NOP14: variants seen among roughly 807,000 people sequenced by gnomAD.
The protein encoded by NOP14 is NOP14 nucleolar protein.
A neutral mutation model predicts 101.6 loss-of-function variants in NOP14; 57 were observed. The observed-to-expected ratio is 0.56, with a 90% CI of 0.45 to 0.70. The LOEUF (loss-of-function observed/expected upper bound fraction) is 0.70, where lower values mean the gene tolerates loss of function less well. Ranked by LOEUF, NOP14 falls within the 30% of genes least tolerant of loss-of-function variation. The pLI is 0.00. For missense variants in NOP14, 1,134 were observed against 1,075.5 expected, an observed-to-expected ratio of 1.05 and a Z score of -0.76; for synonymous variants, 428 against 424.0, an observed-to-expected ratio of 1.01 and a Z score of -0.12.
chr4:2,950,281 A>T, intron 7 of NOP14, 68 bp from the exon 8 acceptor site: 1 of 1,520,634 alleles, frequency 6.6e-7, no homozygotes, highest in Non-Finnish European at 9.0e-7. Flanking sequence ...TCTCACAGCC[A>T]CATCAAGAGG....
rs545192637 is a variant in NOP14 at position 2,953,717 on chromosome 4, T to G, written c.613-72A>C. The G allele has an allele frequency of 3.8e-6, 6 of 1,566,286 alleles. No homozygotes were observed. In the South Asian group the frequency reaches 6.9e-5, roughly 18 times the overall value. On this transcript the variant is annotated intron_variant, in intron 4 of 17. Coordinates refer to ENST00000416614, the MANE Select transcript of NOP14 (RefSeq NM_001291978.2). ...CTTCAACCCAGAGGCCCAATGTCAG[T>G]GCCAAGGACACACACAGTGATCACT...
At chr4:2,947,142 A>G (rs1263332) in intron 10 of NOP14, 250,065 of 262,978 alleles carry the variant, frequency 0.95, 119,057 homozygotes, top group East Asian at 1. Flanking sequence ...CTGGCATGCA[A>G]AGCCACCCAA....
In NOP14 at chr4:2,948,274, G is replaced by A. The variant is rs189481728; in HGVS notation, c.1413+4C>T. 1.3e-5 allele frequency: 21 copies of A among 1,596,934 alleles called. No individual in the cohort carries two copies. The highest frequency in any genetic ancestry group is 1.6e-5 in the Non-Finnish European group (19 of 1,174,818). Reference sequence around the variant, plus strand: ...AGCGCTCCACACACACTCAATCCACGTACTTCTAATTTTGCTTTGTTTCCT... The same window carrying A: ...AGCGCTCCACACACACTCAATCCACATACTTCTAATTTTGCTTTGTTTCCT... On this transcript the variant is annotated splice_donor_region_variant and intron_variant, in intron 9 of 17. Coordinates refer to ENST00000416614, the MANE Select transcript of NOP14 (RefSeq NM_001291978.2).
At chr4:2,955,001 G>GCATGCCACGGCGCCCCCTCTAGTCACCTC (rs1715245702) in intron 3 of NOP14, among the ~76,000 whole-genome samples, 1 of 148,912 alleles carries the variant, frequency 6.7e-6, no homozygotes, top group Non-Finnish European at 1.5e-5. Context: ...CTAGTCACCT[G>GCATGCCACGGCGCCCCCTCTAGTCACCTC]CACGCCACGG....
At chr4:2,942,152 C>T (rs770454368) in intron 14 of NOP14, 40 bp downstream of exon 14, 2 of 1,593,132 alleles carry the variant, frequency 1.3e-6, no homozygotes, top group East Asian at 2.2e-5. Flanking sequence ...TCTGGGGACG[C>T]TGTAGGGCAC....
intron 1 of NOP14, among the ~76,000 whole-genome samples, chr4:2,958,729 G>A (rs2109313891): frequency 6.6e-6 from 1 of 152,308 alleles, no homozygotes. Context: ...GGGAGCGTGT[G>A]GTGACTTGGT....
chr4:2,940,841 G>A (rs1714114840), intron 15 of NOP14: 1 of 152,884 alleles, frequency 6.5e-6, no homozygotes, highest in African/African-American at 2.4e-5. Flanking sequence ...CAGAGACGAA[G>A]CCAGGCCTGC....
At position 2,950,036 on chromosome 4, in the gene NOP14, T is replaced by G. The variant is rs369856305; in HGVS notation, c.1180A>C (p.Lys394Gln). 1.5e-5 allele frequency: 24 copies of G among 1,614,060 alleles called. No individual in the cohort carries two copies. The highest frequency in any genetic ancestry group is 1.9e-5 in the Non-Finnish European group (23 of 1,180,044). Residue 394 changes from lysine to glutamine, a missense_variant, in exon 8 of 18, where the codon AAG (lysine) becomes CAG (glutamine). By Grantham distance (53) the Lys-to-Gln change is moderately conservative (BLOSUM62 1). Transcript: ENST00000416614. Reference sequence around the variant, plus strand: ...GTCTGCCTCTGCTCTTTTGCTGGCTTCTCGTTTTCTTCCTCACTCTCCACG... The same window carrying G: ...GTCTGCCTCTGCTCTTTTGCTGGCTGCTCGTTTTCTTCCTCACTCTCCACG... ...SNVESEEENEKPAKEQRQTPG... is the reference protein window; with the variant it reads ...SNVESEEENEQPAKEQRQTPG...
intron 10 of NOP14, chr4:2,946,865 CA>C (rs1349926282): frequency 1.1e-5 from 4 of 364,194 alleles, no homozygotes; most frequent in African/African-American, 8.4e-5. Context: ...ATTTATTCCT[CA>C]CGACAGGTAC....
chr4:2,954,192 A>G (rs556673553), intron 4 of NOP14, among the ~76,000 whole-genome samples: 7 of 152,204 alleles, frequency 4.6e-5, no homozygotes, highest in Non-Finnish European at 1.0e-4. Context: ...AACAGAGACT[A>G]CGTCTCAAAA....
intron 5 of NOP14, 85 bp from the exon 6 acceptor site, chr4:2,952,482 A>G: frequency 8.2e-7 from 1 of 1,212,364 alleles, no homozygotes; most frequent in Non-Finnish European, 1.1e-6. Flanking sequence ...TTCCTGGCAC[A>G]TTCTAGTAAT....
intron 1 of NOP14, among the ~76,000 whole-genome samples, chr4:2,959,568 G>A (rs1283259865): frequency 2.7e-5 from 4 of 149,584 alleles, no homozygotes; most frequent in Non-Finnish European, 4.4e-5. Context: ...ACTCCAGCCT[G>A]GGCGACAGAC....
chr4:2,954,588 C>A, intron 3 of NOP14, 25 bp from the exon 4 acceptor site: 1 of 1,612,124 alleles, frequency 6.2e-7, no homozygotes, highest in Non-Finnish European at 8.5e-7. Context: ...CAGAAAACCC[C>A]ACAGTGAAGC....
In NOP14 at chr4:2,938,193, A is replaced by T. The variant is rs1265902214; in HGVS notation, c.*638T>A. On this transcript the variant is annotated 3_prime_UTR_variant, in exon 18 of 18. Coordinates refer to ENST00000416614, the MANE Select transcript of NOP14 (RefSeq NM_001291978.2). ...GCAGGCAGCGGGTGGGGGGAGCTGG[A>T]GGTTGGAATCACACCAACATTATAG... 6 of 1,287,938 alleles carry T rather than the reference A, an allele frequency of 4.7e-6. No homozygotes were observed. In the African/African-American group the frequency reaches 7.6e-5, roughly 16 times the overall value. 79.8% of individuals were successfully genotyped at this position (1,287,938 alleles called of 1,614,324 possible). A position where few individuals can be genotyped will look rare whatever the true frequency, so the allele number is the denominator to read the frequency against.
intron 9 of NOP14, among the ~76,000 whole-genome samples, chr4:2,948,039 C>T (rs1714774021): frequency 6.6e-6 from 1 of 152,258 alleles, no homozygotes; most frequent in Non-Finnish European, 1.5e-5. Context: ...AGGTGAAGGT[C>T]CCCATGCCTG....
Position 2,944,164 on chromosome 4 carries a change from CT to C in NOP14, c.1799del (p.Glu600GlyfsTer23). On this transcript the variant is annotated frameshift_variant, in exon 13 of 18. Transcript: ENST00000416614. LOFTEE classifies it high-confidence loss of function. The part of the protein sequence containing the change: ...KGLFVCCLFL[E>X]YVALSQRFIP... ...TAAACCTCTGGGACAAAGCCACATA[CT>C]CCAGGAACAGGCAGCACACGAACAG... is the stretch of plus-strand genomic sequence containing the variant. The C allele has an allele frequency of 6.2e-7, 1 of 1,614,106 alleles. No individual in the cohort carries two copies. Among genetic ancestry groups the C allele is most frequent in the Non-Finnish European group, 8.5e-7 (1 of 1,179,984 alleles).
At chr4:2,943,949 C>T (rs1025475040) in intron 13 of NOP14, 124 bp downstream of exon 13, 23 of 733,302 alleles carry the variant, frequency 3.1e-5, no homozygotes, top group South Asian at 1.3e-4. Context: ...GACAGTGCGG[C>T]GGGTGGCAGG....
intron 13 of NOP14, 37 bp downstream of exon 13, chr4:2,944,036 T>C (rs1158325891): frequency 1.3e-6 from 2 of 1,553,956 alleles, no homozygotes; most frequent in South Asian, 2.4e-5. Context: ...TTCTAAAGTA[T>C]AACATATTTG....
At chr4:2,939,064 T>G (rs1375215605) in intron 17 of NOP14, 124 bp downstream of exon 17, 12 of 1,518,278 alleles carry the variant, frequency 7.9e-6, no homozygotes, top group African/African-American at 1.4e-5. Flanking sequence ...TGAACCTGCC[T>G]GGCTCCAACC....
Sources: allele counts gnomAD v4.1 joint callset (sites outside exome capture counted in the v4.1 genomes callset), GRCh38; gene constraint gnomAD v4.1.1; transcripts MANE v1.5; gene names NCBI Gene and HGNC (gene_info 2026-07-23, HGNC 2026-07-21).